Variants in NTN4 observed in about 807,000 individuals in gnomAD.
The protein encoded by NTN4 is netrin 4.
Under a neutral mutation model 73.6 loss-of-function variants are expected in NTN4, and 32 were observed. The ratio of observed to expected loss-of-function variants is 0.44; its 90% CI spans 0.33 to 0.58. The LOEUF (loss-of-function observed/expected upper bound fraction) is 0.58. NTN4 is among the 20% of genes least tolerant of loss of function. The pLI is 0.04. For missense variants in NTN4, 654 were observed against 798.3 expected (o/e 0.82, Z 2.18); for synonymous variants, 258 against 287.5 (o/e 0.90, Z 1.04).
At position 95,713,322 on chromosome 12, in the gene NTN4, A is replaced by G. The variant is rs149588032; in HGVS notation, c.881T>C (p.Met294Thr). 3.7e-6 allele frequency: 6 copies of G among 1,600,866 alleles called. No homozygotes were observed. Among genetic ancestry groups the G allele is most frequent in the Non-Finnish European group, 5.1e-6 (6 of 1,169,848 alleles). ...GTFHMVHGKCMCKHNTAGSHC... is the reference protein window; with the variant it reads ...GTFHMVHGKCTCKHNTAGSHC... Reference sequence around the variant, plus strand: ...GCTGCCTGCTGTGTTGTGCTTACACATACACTTCCCATGGACCTACAAGCA... The same window carrying G: ...GCTGCCTGCTGTGTTGTGCTTACACGTACACTTCCCATGGACCTACAAGCA... Residue 294 changes from methionine to threonine, a missense_variant, in exon 4 of 10, where the codon ATG becomes ACG. Physicochemically the swap from Met to Thr is moderately conservative, Grantham distance 81 (BLOSUM62 -1). Transcript: ENST00000343702.
At chr12:95,671,620 T>A (rs2078230968) in intron 7 of NTN4, among the ~76,000 whole-genome samples, 1 of 152,056 alleles carries the variant, frequency 6.6e-6, no homozygotes, top group Non-Finnish European at 1.5e-5. Context: ...CCTGAAACCA[T>A]CCCCTGCCCC....
At chr12:95,732,533 A>G (rs1319891062) in intron 3 of NTN4, among the ~76,000 whole-genome samples, 3 of 151,034 alleles carry the variant, frequency 2.0e-5, no homozygotes, top group South Asian at 2.1e-4. Flanking sequence ...TCTCCGGAGT[A>G]TCTGGGACTA....
intron 3 of NTN4, among the ~76,000 whole-genome samples, chr12:95,736,623 T>C (rs1181551459): frequency 6.6e-6 from 1 of 152,204 alleles, no homozygotes; most frequent in Non-Finnish European, 1.5e-5. Flanking sequence ...CACTAAATCA[T>C]AGCACCCTTT....
At chr12:95,673,299 A>G (rs2078248243) in intron 7 of NTN4, 2 of 303,828 alleles carry the variant, frequency 6.6e-6, no homozygotes, top group East Asian at 8.3e-5. Context: ...TTCTCAGTCC[A>G]AGCTGTGGAA....
chr12:95,713,399 G>A, intron 3 of NTN4, 61 bp from the exon 4 acceptor site: 1 of 1,481,180 alleles, frequency 6.8e-7, no homozygotes, highest in Non-Finnish European at 9.1e-7. Flanking sequence ...AACAGAACAT[G>A]CTTCCCACAA....
At chr12:95,718,001 C>T (rs113145539) in intron 3 of NTN4, among the ~76,000 whole-genome samples, 22 of 152,334 alleles carry the variant, frequency 1.4e-4, no homozygotes, top group Admixed American at 3.9e-4. Flanking sequence ...TATTAACGCA[C>T]TTGCCAGTCA....
At chr12:95,730,267 T>C (rs2078728416) in intron 3 of NTN4, among the ~76,000 whole-genome samples, 1 of 152,204 alleles carries the variant, frequency 6.6e-6, no homozygotes, top group Non-Finnish European at 1.5e-5. Flanking sequence ...AATGAACAAA[T>C]ATTATATTTT....
chr12:95,685,532 G>A lies in NTN4; in HGVS notation c.1181-1821C>T, dbSNP rs149642223. On this transcript the variant is annotated intron_variant, in intron 5 of 9. Transcript: ENST00000343702. Reference sequence around the variant, plus strand: ...CATGATTTTAAATGAAACTACTTCAGCAAGGTGCATAGCACAGTGTCACAC... The same window carrying A: ...CATGATTTTAAATGAAACTACTTCAACAAGGTGCATAGCACAGTGTCACAC... Among the ~76,000 whole-genome samples the A allele has an allele frequency of 3.5e-3, 538 of 152,320 alleles. 6 individuals carry two copies. Among genetic ancestry groups the A allele is most frequent in the African/African-American group, 0.012 (489 of 41,582 alleles).
intron 2 of NTN4, among the ~76,000 whole-genome samples, chr12:95,742,584 A>G (rs2078834729): frequency 6.6e-6 from 1 of 152,214 alleles, no homozygotes; most frequent in Non-Finnish European, 1.5e-5. Flanking sequence ...AAATGTGATC[A>G]TATTTTTAAA....
At chr12:95,728,340 G>A (rs2078710733) in intron 3 of NTN4, among the ~76,000 whole-genome samples, 1 of 152,174 alleles carries the variant, frequency 6.6e-6, no homozygotes, top group Admixed American at 6.5e-5. Flanking sequence ...TAGAAGGGGT[G>A]AGAGCAGACA....
At chr12:95,734,796 T>G (rs1173852287) in intron 3 of NTN4, among the ~76,000 whole-genome samples, 3 of 152,132 alleles carry the variant, frequency 2.0e-5, no homozygotes, top group African/African-American at 7.2e-5. Flanking sequence ...TCCCAGCACT[T>G]TGGGAGGCTG....
intron 9 of NTN4, among the ~76,000 whole-genome samples, chr12:95,663,060 C>A (rs1218980528): frequency 1.3e-5 from 2 of 151,836 alleles, no homozygotes; most frequent in African/African-American, 2.4e-5. Context: ...GTCGAGGCTG[C>A]AGTGAGCAGT....
chr12:95,725,837 A>C (rs1208639681), intron 3 of NTN4, among the ~76,000 whole-genome samples: 1 of 152,200 alleles, frequency 6.6e-6, no homozygotes, highest in Non-Finnish European at 1.5e-5. Flanking sequence ...TTAAAAAGTT[A>C]CGCTTGTTTA....
intron 2 of NTN4, among the ~76,000 whole-genome samples, chr12:95,760,588 G>C (rs2078980144): frequency 1.3e-5 from 2 of 152,204 alleles, no homozygotes; most frequent in African/African-American, 4.8e-5. Flanking sequence ...CAGCAAATTG[G>C]GGCAATTGTA....
At chr12:95,727,498 G>C (rs1171267370) in intron 3 of NTN4, among the ~76,000 whole-genome samples, 1 of 104,780 alleles carries the variant, frequency 9.5e-6, no homozygotes, top group Non-Finnish European at 2.1e-5. Flanking sequence ...AGAAACCATT[G>C]CTTAATCCAA....
At chr12:95,666,583 A>G (rs1471880931) in intron 8 of NTN4, among the ~76,000 whole-genome samples, 1 of 152,162 alleles carries the variant, frequency 6.6e-6, no homozygotes, top group African/African-American at 2.4e-5. Context: ...CCATTTGCCT[A>G]TTGCAATTAT....
rs7962373 is a variant in NTN4, at chr12:95,679,652, C to T, written c.1510+3055G>A. Among the ~76,000 whole-genome samples the T allele has an allele frequency of 6.2e-3, 939 of 152,280 alleles. 12 individuals carry two copies. Among genetic ancestry groups the T allele is most frequent in the African/African-American group, 0.02 (831 of 41,558 alleles). Reference sequence around the variant, plus strand: ...ATTCTTGCTTGGAAAAACCTCAACCCAGCTTAAAGTCATCTCTTTGTGTAT... The same window carrying T: ...ATTCTTGCTTGGAAAAACCTCAACCTAGCTTAAAGTCATCTCTTTGTGTAT... On this transcript the variant is annotated intron_variant, in intron 7 of 9. Coordinates refer to ENST00000343702, the MANE Select transcript of NTN4 (RefSeq NM_021229.4).
chr12:95,746,129 GCAGCCCCTTCCT>G (rs911686635), intron 2 of NTN4, among the ~76,000 whole-genome samples: 2 of 152,038 alleles, frequency 1.3e-5, no homozygotes, highest in Non-Finnish European at 2.9e-5. Flanking sequence ...TCTTTCACTG[GCAGCCCCTTCCT>G]CAAGGACTTA....
At chr12:95,662,638 A>C (rs1032959255) in intron 9 of NTN4, among the ~76,000 whole-genome samples, 1 of 152,224 alleles carries the variant, frequency 6.6e-6, no homozygotes, top group African/African-American at 2.4e-5. Flanking sequence ...CAAACACTGG[A>C]GAGTACAATG....
Sources: allele counts gnomAD v4.1 joint callset (sites outside exome capture counted in the v4.1 genomes callset), GRCh38; gene constraint gnomAD v4.1.1; transcripts MANE v1.5; gene names NCBI Gene and HGNC (gene_info 2026-07-23, HGNC 2026-07-21).